COL11A2: variants seen among roughly 807,000 people sequenced by gnomAD.
COL11A2 encodes collagen alpha-2(XI) chain.
In COL11A2, 116 loss-of-function variants were observed where a neutral mutation model predicts 273.4. The observed-to-expected ratio is 0.42, with a 90% CI of 0.36 to 0.49. The LOEUF (loss-of-function observed/expected upper bound fraction) is 0.49. Ranked by LOEUF, COL11A2 falls within the 20% of genes least tolerant of loss-of-function variation. The pLI, the probability that COL11A2 is intolerant of heterozygous loss-of-function variation, is 0.00. For synonymous variants in COL11A2, 782 were observed against 864.2 expected (o/e 0.90, Z 1.67); for missense variants, 1,866 against 2,309.0 (o/e 0.81, Z 3.93).
At position 33,165,120 on chromosome 6, in the gene COL11A2, G is replaced by T. The variant is rs1345815953; in HGVS notation, c.4751-156C>A. On this transcript the variant is annotated intron_variant, in intron 63 of 65. Coordinates refer to ENST00000341947, the MANE Select transcript of COL11A2 (RefSeq NM_080680.3). This position sits in a 1 kb window ranked among gnomAD's most constrained non-coding sequence, Gnocchi z 7.7. ...CAGAGCCCTAGAATCTAGCCCTACT[G>T]CTGGATTCTACTGCAGCATCCTACT... 6.6e-6 allele frequency among the ~76,000 whole-genome samples: 1 copy of T among 151,696 alleles called. No individual in the cohort carries two copies. The highest frequency in any genetic ancestry group is 1.5e-5 in the Non-Finnish European group (1 of 67,932).
In COL11A2 at chr6:33,169,804, G is replaced by A. The variant is rs1769767765; in HGVS notation, c.3690+27C>T. 1.2e-6 allele frequency: 2 copies of A among 1,613,962 alleles called. No homozygotes were observed. The highest frequency in any genetic ancestry group is 1.7e-6 in the Non-Finnish European group (2 of 1,179,884). Reference sequence around the variant, plus strand: ...GTTGAGGCGGGTGACGGGGACTGGGGAGTAAGGCCTTGGAGCTGTCACTCA... The same window carrying A: ...GTTGAGGCGGGTGACGGGGACTGGGAAGTAAGGCCTTGGAGCTGTCACTCA... On this transcript the variant is annotated intron_variant, in intron 50 of 65. Coordinates refer to ENST00000341947, the MANE Select transcript of COL11A2 (RefSeq NM_080680.3). This position sits in a 1 kb window ranked among gnomAD's most constrained non-coding sequence, Gnocchi z 5.5.
chr6:33,169,687 G>A lies in COL11A2; in HGVS notation c.3690+144C>T. The A allele has an allele frequency of 8.6e-7, 1 of 1,169,010 alleles. No individual in the cohort carries two copies. The allele number at this position is 1,169,010 out of a possible 1,614,324, so 72.4% of individuals were successfully genotyped here. Reference sequence around the variant, plus strand: ...GGGGAAGAAGGGCTCACTCAGACCAGGGATCAGGCCTCATAGAGGATGGCA... The same window carrying A: ...GGGGAAGAAGGGCTCACTCAGACCAAGGATCAGGCCTCATAGAGGATGGCA... On this transcript the variant is annotated intron_variant, in intron 50 of 65. Transcript: ENST00000341947. This position sits in a 1 kb window ranked among gnomAD's most constrained non-coding sequence, Gnocchi z 5.5.
rs779790199 is a variant in COL11A2 at position 33,175,612 on chromosome 6, T to C, written c.2338A>G (p.Thr780Ala). 5 of 1,612,972 alleles carry C rather than the reference T, an allele frequency of 3.1e-6. No individual in the cohort carries two copies. The highest frequency in any genetic ancestry group is 1.7e-5 in the Admixed American group (1 of 60,018). Residue 780 changes from threonine to alanine, a missense_variant, in exon 30 of 66, where the codon ACT (threonine) becomes GCT (alanine). Physicochemically the swap from Thr to Ala is moderately conservative, Grantham distance 58. Transcript: ENST00000341947. ...PEGPKGRTGP[T>A]GDPGPPGLMG... is the part of the protein sequence containing the mutation. ...AGCCCTGGGGGCCCAGGGTCTCCAG[T>C]CGGTCCAGTGCGTCCCTTTGGCCCC...
intron 8 of COL11A2, among the ~76,000 whole-genome samples, chr6:33,183,234 A>C (rs1771949919): frequency 6.6e-6 from 1 of 152,264 alleles, no homozygotes; most frequent in African/African-American, 2.4e-5. Flanking sequence ...CCAGGGCCGA[A>C]GAAAATTAAA....
chr6:33,167,916 C>A lies in COL11A2; in HGVS notation c.3961-64G>T. 1 of 1,575,464 alleles carries A rather than the reference C, an allele frequency of 6.3e-7. No individual in the cohort carries two copies. The highest frequency in any genetic ancestry group is 1.1e-5 in the South Asian group (1 of 88,794). ...GGGCAGCCAGGCTCAACTCTTCCCCCTTCCTGTCCTAGACACACACATACA... is the reference window on the plus strand; with the variant it reads ...GGGCAGCCAGGCTCAACTCTTCCCCATTCCTGTCCTAGACACACACATACA... On this transcript the variant is annotated intron_variant, in intron 54 of 65. Transcript: ENST00000341947. This position sits in a 1 kb window ranked among gnomAD's most constrained non-coding sequence, Gnocchi z 6.1.
chr6:33,183,199 C>A (rs1304458295), intron 8 of COL11A2, among the ~76,000 whole-genome samples: 1 of 152,156 alleles, frequency 6.6e-6, no homozygotes, highest in Non-Finnish European at 1.5e-5. Flanking sequence ...AACAAAATGA[C>A]AAACACTTGG....
In COL11A2 at chr6:33,176,699, A is replaced by G. The variant is rs1398839638; in HGVS notation, c.2115+22T>C. 3 of 1,610,952 alleles carry G rather than the reference A, an allele frequency of 1.9e-6. No individual in the cohort carries two copies. Among genetic ancestry groups the G allele is most frequent in the Non-Finnish European group, 2.5e-6 (3 of 1,178,288 alleles). On this transcript the variant is annotated intron_variant, in intron 26 of 65. Transcript: ENST00000341947. This position sits in a 1 kb window ranked among gnomAD's most constrained non-coding sequence, Gnocchi z 4.9. ...GTCTGAGTGGAGACTCCCTCAGGGG[A>G]TAAAGACATGGAAGATCTCACCTGG...
In COL11A2 at chr6:33,190,797, G is replaced by A. The variant is rs1328735649; in HGVS notation, c.83-1328C>T. Among the ~76,000 whole-genome samples the A allele has an allele frequency of 1.3e-5, 2 of 152,058 alleles. No homozygotes were observed. Among genetic ancestry groups the A allele is most frequent in the African/African-American group, 2.4e-5 (1 of 41,376 alleles). ...TGAGACAGAGACACAGAGACTCACA[G>A]AGACCCCAGGCCAAGGAGACCTCGG... On this transcript the variant is annotated intron_variant, in intron 1 of 65. Coordinates refer to ENST00000341947, the MANE Select transcript of COL11A2 (RefSeq NM_080680.3). This position sits in a 1 kb window ranked among gnomAD's most constrained non-coding sequence, Gnocchi z 4.5.
Position 33,170,673 on chromosome 6 carries a change from G to C in COL11A2, c.3475-63C>G. On this transcript the variant is annotated intron_variant, in intron 46 of 65. Transcript: ENST00000341947. The surrounding 1 kb of genome is among the most constrained non-coding windows in gnomAD (Gnocchi z 4.3). ...CCCACCCAAAGCACAGCCCTAGGCA[G>C]ATAGGCCCCACAGTCCCCTCCCCTC... is the stretch of plus-strand genomic sequence containing the variant. 1 of 1,602,010 alleles carries C rather than the reference G, an allele frequency of 6.2e-7. No individual in the cohort carries two copies. The highest frequency in any genetic ancestry group is 2.2e-5 in the East Asian group (1 of 44,818).
intron 4 of COL11A2, among the ~76,000 whole-genome samples, chr6:33,187,051 T>G (rs1016140533): frequency 6.6e-6 from 1 of 152,200 alleles, no homozygotes; most frequent in Non-Finnish European, 1.5e-5. Flanking sequence ...ATTTTTCAGA[T>G]ACGTTCCATT....
intron 8 of COL11A2, among the ~76,000 whole-genome samples, chr6:33,182,440 G>A (rs980917650): frequency 2.0e-5 from 3 of 152,294 alleles, no homozygotes; most frequent in Non-Finnish European, 1.5e-5. Flanking sequence ...GGCCAGGCAC[G>A]GTGGCGCACG....
Position 33,173,636 on chromosome 6 carries a change from A to G in COL11A2, c.2628+65T>C. 1.4e-6 allele frequency: 2 copies of G among 1,473,196 alleles called. No homozygotes were observed. The highest frequency in any genetic ancestry group is 3.4e-5 in the Admixed American group (2 of 58,278). The allele number at this position is 1,473,196 out of a possible 1,614,324, so 91.3% of individuals were successfully genotyped here. Reference sequence around the variant, plus strand: ...ACTCAGCTTCCTTCCTGGGGTGAGGAGGGAGCTGGCTCACCCAGGCTCCCT... The same window carrying G: ...ACTCAGCTTCCTTCCTGGGGTGAGGGGGGAGCTGGCTCACCCAGGCTCCCT... On this transcript the variant is annotated intron_variant, in intron 35 of 65. Transcript: ENST00000341947. This position sits in a 1 kb window ranked among gnomAD's most constrained non-coding sequence, Gnocchi z 6.3.
At position 33,173,581 on chromosome 6, in the gene COL11A2, G is replaced by T; in HGVS notation, c.2629-26C>A. 8.5e-7 allele frequency: 1 copy of T among 1,170,488 alleles called. No homozygotes were observed. The highest frequency in any genetic ancestry group is 1.2e-5 in the South Asian group (1 of 81,592). 72.5% of individuals were successfully genotyped at this position (1,170,488 alleles called of 1,614,324 possible). ...CTAGAGACAGAGGTGGGGGGAGTCA[G>T]GAGAATGGGGGCAGGGGCTGAGTGG... On this transcript the variant is annotated intron_variant, in intron 35 of 65. Coordinates refer to ENST00000341947, the MANE Select transcript of COL11A2 (RefSeq NM_080680.3). This position sits in a 1 kb window ranked among gnomAD's most constrained non-coding sequence, Gnocchi z 6.3.
At position 33,177,820 on chromosome 6, in the gene COL11A2, C is replaced by T; in HGVS notation, c.1873-114G>A. ...GGTCAGACCTCCAATCCATCCCAAACCCAAGCAAACACAGCTGGCCCAGGC... is the reference window on the plus strand; with the variant it reads ...GGTCAGACCTCCAATCCATCCCAAATCCAAGCAAACACAGCTGGCCCAGGC... On this transcript the variant is annotated intron_variant, in intron 21 of 65. Transcript: ENST00000341947. This position sits in a 1 kb window ranked among gnomAD's most constrained non-coding sequence, Gnocchi z 5.9. 1 of 1,174,792 alleles carries T rather than the reference C, an allele frequency of 8.5e-7. No individual in the cohort carries two copies. The highest frequency in any genetic ancestry group is 2.5e-5 in the East Asian group (1 of 40,142). 72.8% of individuals were successfully genotyped at this position (1,174,792 alleles called of 1,614,324 possible).
At chr6:33,181,275 C>G in intron 8 of COL11A2, 105 bp from the exon 9 acceptor site, 1 of 1,151,282 alleles carries the variant, frequency 8.7e-7, no homozygotes, top group Non-Finnish European at 1.3e-6. Flanking sequence ...CCTCTCGAGA[C>G]CACTTCAGCC....
In COL11A2 at chr6:33,180,740, A is replaced by G. The variant is rs1331783597; in HGVS notation, c.1222-10T>C. 6.2e-7 allele frequency: 1 copy of G among 1,610,848 alleles called. No homozygotes were observed. Among genetic ancestry groups the G allele is most frequent in the Non-Finnish European group, 8.5e-7 (1 of 1,178,802 alleles). On this transcript the variant is annotated splice_polypyrimidine_tract_variant and intron_variant, in intron 10 of 65. Transcript: ENST00000341947. ...GGGGACCAATCAATCCCTGAGGAAC[A>G]AAAGAGTAGGGGTCAGGTGTGGGCA...
chr6:33,189,498 G>C lies in COL11A2; in HGVS notation c.83-29C>G. On this transcript the variant is annotated intron_variant, in intron 1 of 65. Coordinates refer to ENST00000341947, the MANE Select transcript of COL11A2 (RefSeq NM_080680.3). The surrounding 1 kb of genome is among the most constrained non-coding windows in gnomAD (Gnocchi z 5.6). The stretch of plus-strand genomic sequence containing the variant: ...GGAGAGTCCATGATTATCAGGAGAA[G>C]GGACATGCCCTCAGGAGGGCATAAA... 1.9e-6 allele frequency: 3 copies of C among 1,612,652 alleles called. No homozygotes were observed. Among genetic ancestry groups the C allele is most frequent in the Non-Finnish European group, 2.5e-6 (3 of 1,179,750 alleles).
Position 33,178,080 on chromosome 6 carries a change from G to T in COL11A2, c.1872+52C>A. On this transcript the variant is annotated intron_variant, in intron 21 of 65. Coordinates refer to ENST00000341947, the MANE Select transcript of COL11A2 (RefSeq NM_080680.3). This position sits in a 1 kb window ranked among gnomAD's most constrained non-coding sequence, Gnocchi z 4.6. Reference sequence around the variant, plus strand: ...AGGAAGGCAGCTAGAAAGGTGGAGAGTTGGAGAGGTCAAGGGGTCACCTCA... The same window carrying T: ...AGGAAGGCAGCTAGAAAGGTGGAGATTTGGAGAGGTCAAGGGGTCACCTCA... 6.4e-7 allele frequency: 1 copy of T among 1,557,174 alleles called. No homozygotes were observed. Among genetic ancestry groups the T allele is most frequent in the Non-Finnish European group, 8.8e-7 (1 of 1,138,492 alleles).
Position 33,176,841 on chromosome 6 carries a change from C to T in COL11A2, c.2071-76G>A, listed in dbSNP as rs1244646007. The T allele has an allele frequency of 3.8e-6, 6 of 1,561,920 alleles. No individual in the cohort carries two copies. The East Asian group carries it at 1.4e-4, about 35-fold the overall frequency. On this transcript the variant is annotated intron_variant, in intron 25 of 65. Transcript: ENST00000341947. The surrounding 1 kb of genome is among the most constrained non-coding windows in gnomAD (Gnocchi z 4.9). ...GCACCCCTCCCTACACTTCTTCCAA[C>T]CCAAATTTCCTGTGACCTAGTGAAG...
Sources: gnomAD v4.1 joint callset for allele counts (sites outside exome capture counted in the v4.1 genomes callset) on GRCh38, gnomAD v4.1.1 for gene constraint, Gnocchi (gnomAD v3.1) non-coding constraint, MANE v1.5 for transcripts, NCBI Gene and HGNC (gene_info 2026-07-23, HGNC 2026-07-21) for gene names.